The following BIRC6 variants were observed in gnomAD, a reference collection of about 807,000 sequenced individuals.
BIRC6 encodes dual E2 ubiquitin-conjugating enzyme/E3 ubiquitin-protein ligase BIRC6.
Under a neutral mutation model 503.3 loss-of-function variants are expected in BIRC6, and 98 were observed. The observed-to-expected ratio is 0.19, with a 90% confidence interval of 0.17 to 0.23. The LOEUF is 0.23. BIRC6 is among the 10% of genes least tolerant of loss of function. BIRC6 has a pLI of 1.00. For synonymous variants in BIRC6, 2,240 were observed against 2,078.7 expected (o/e 1.08, Z -2.11); for missense variants, 5,360 against 5,806.0 (o/e 0.92, Z 2.50).
Position 32,463,328 on chromosome 2 carries a change from C to T in BIRC6, c.4888C>T (p.Gln1630Ter). Residue 1630 changes from glutamine to a stop codon, truncating the protein, a stop_gained, in exon 24 of 74, where the codon CAG (glutamine) becomes TAG (stop). Transcript: ENST00000421745. LOFTEE classifies it high-confidence loss of function. Reference sequence around the variant, plus strand: ...TCATGCAATGGCTTCAGCCGAGCAACAGCTACAGGTGCTGCAAGAGAAACA... The same window carrying T: ...TCATGCAATGGCTTCAGCCGAGCAATAGCTACAGGTGCTGCAAGAGAAACA... ...LSHAMASAEQQLQVLQEKQQQ... is the reference protein window; with the variant it reads ...LSHAMASAEQ The T allele has an allele frequency of 6.2e-7, 1 of 1,613,714 alleles. No individual in the cohort carries two copies. The highest frequency in any genetic ancestry group is 2.2e-5 in the East Asian group (1 of 44,846).
intron 66 of BIRC6, among the ~76,000 whole-genome samples, chr2:32,582,859 T>C (rs1478097822): frequency 4.6e-5 from 7 of 152,220 alleles, no homozygotes; most frequent in African/African-American, 1.4e-4. Flanking sequence ...AGTTCTCTTA[T>C]TATAGAGTTT....
At chr2:32,579,419 G>A (rs1490726593) in intron 66 of BIRC6, among the ~76,000 whole-genome samples, 1 of 152,118 alleles carries the variant, frequency 6.6e-6, no homozygotes, top group Non-Finnish European at 1.5e-5. Context: ...ACATCATTAA[G>A]AATCTGGATC....
chr2:32,478,671 A>C lies in BIRC6; in HGVS notation c.7105A>C (p.Ile2369Leu). Residue 2369 changes from isoleucine (I) to leucine (L), a missense_variant, in exon 36 of 74, where the codon ATT (isoleucine) becomes CTT (leucine). Transcript: ENST00000421745. Reference sequence around the variant, plus strand: ...CATTGCAAATGCCACGAGGCCAACTATTCATCTGTGTGAGATTGTGAACGA... The same window carrying C: ...CATTGCAAATGCCACGAGGCCAACTCTTCATCTGTGTGAGATTGTGAACGA... ...ARIANATRPT[I>L]HLCEIVNEPQ... The C allele has an allele frequency of 1.2e-6, 2 of 1,613,776 alleles. No homozygotes were observed. The highest frequency in any genetic ancestry group is 1.7e-6 in the Non-Finnish European group (2 of 1,179,820).
chr2:32,462,954 C>CAAAA (rs544469284), intron 23 of BIRC6, among the ~76,000 whole-genome samples: 1 of 64,940 alleles, frequency 1.5e-5, no homozygotes, highest in African/African-American at 6.0e-5. Context: ...GACCCTGTCT[C>CAAAA]AAAAAAAAAA....
At chr2:32,369,336 C>T (rs1424180177) in intron 1 of BIRC6, among the ~76,000 whole-genome samples, 2 of 151,960 alleles carry the variant, frequency 1.3e-5, no homozygotes, top group South Asian at 4.2e-4. Context: ...TAGAAATTCG[C>T]AAGGGCACAT....
chr2:32,611,896 A>G (rs1013908518), intron 73 of BIRC6, among the ~76,000 whole-genome samples: 2 of 151,880 alleles, frequency 1.3e-5, no homozygotes, highest in Admixed American at 1.3e-4. Context: ...TTCTTTTGAG[A>G]CTGGATTTCA....
intron 72 of BIRC6, 128 bp downstream of exon 72, chr2:32,607,771 A>G: frequency 3.1e-6 from 2 of 635,908 alleles, no homozygotes; most frequent in Non-Finnish European, 4.9e-6. Flanking sequence ...TCAGGTCAGG[A>G]GTCTGAGACC....
chr2:32,517,405 T>C (rs1483102521), intron 55 of BIRC6, among the ~76,000 whole-genome samples: 5 of 152,178 alleles, frequency 3.3e-5, no homozygotes, highest in Admixed American at 3.3e-4. Flanking sequence ...AGTAATTAAT[T>C]ACTGGGAAAA....
At chr2:32,545,893 A>G (rs1192202740) in intron 63 of BIRC6, 33 bp downstream of exon 63, 2 of 1,572,810 alleles carry the variant, frequency 1.3e-6, no homozygotes, top group Non-Finnish European at 1.7e-6. Context: ...CAGTTATTAA[A>G]AAAACTAGAT....
intron 61 of BIRC6, among the ~76,000 whole-genome samples, chr2:32,539,024 G>A (rs754079316): frequency 9.9e-5 from 15 of 152,194 alleles, no homozygotes; most frequent in Non-Finnish European, 2.2e-4. Context: ...AGTATATGCT[G>A]CCTAAAAGAG....
intron 9 of BIRC6, among the ~76,000 whole-genome samples, chr2:32,412,912 T>G: frequency 6.6e-6 from 1 of 152,210 alleles, no homozygotes; most frequent in East Asian, 1.9e-4. Context: ...TTTAAAGTTA[T>G]GTATAAATAA....
intron 65 of BIRC6, among the ~76,000 whole-genome samples, chr2:32,561,781 C>T (rs912718235): frequency 4.7e-5 from 7 of 149,660 alleles, no homozygotes; most frequent in African/African-American, 9.8e-5. Flanking sequence ...GCAGTGCTCA[C>T]GCCTATAATC....
chr2:32,584,798 A>C (rs2060919513), intron 66 of BIRC6, among the ~76,000 whole-genome samples: 1 of 152,198 alleles, frequency 6.6e-6, no homozygotes, highest in African/African-American at 2.4e-5. Flanking sequence ...AGGCAGAAGA[A>C]AAAAACTTAG....
Position 32,357,366 on chromosome 2 carries a change from G to C in BIRC6, c.205G>C (p.Gly69Arg). ...RDGCMHCDAD[G>R]LHSLSYHPAL... is the part of the protein sequence containing the mutation. ...CGGCTGCATGCACTGCGACGCCGAC[G>C]GGCTGCACAGCCTGTCCTACCACCC... is the stretch of plus-strand genomic sequence containing the variant. Residue 69 changes from glycine to arginine, a missense_variant, in exon 1 of 74, where the codon GGG becomes CGG. Coordinates refer to ENST00000421745, the MANE Select transcript of BIRC6 (RefSeq NM_016252.4). The surrounding 1 kb of genome is among the most constrained non-coding windows in gnomAD (Gnocchi z 4.9). 6.5e-7 allele frequency: 1 copy of C among 1,547,506 alleles called. No homozygotes were observed. The highest frequency in any genetic ancestry group is 8.7e-7 in the Non-Finnish European group (1 of 1,146,332).
chr2:32,402,575 ATG>A (rs2040720164), intron 8 of BIRC6, among the ~76,000 whole-genome samples: 1 of 152,204 alleles, frequency 6.6e-6, no homozygotes, highest in Non-Finnish European at 1.5e-5. Context: ...TTTACAATAT[ATG>A]TGTTACTTCT....
chr2:32,594,802 T>C (rs1046108566), intron 67 of BIRC6, among the ~76,000 whole-genome samples: 6 of 152,226 alleles, frequency 3.9e-5, no homozygotes, highest in Admixed American at 2.6e-4. Context: ...TCACTTCCTC[T>C]TTTCATAAAG....
intron 8 of BIRC6, 88 bp from the exon 9 acceptor site, chr2:32,406,411 A>G (rs1284800731): frequency 4.9e-6 from 5 of 1,030,550 alleles, no homozygotes; most frequent in Non-Finnish European, 7.3e-6. Flanking sequence ...AAAAACCCAC[A>G]AAACCAACTG....
chr2:32,452,837 C>A (rs552006524), intron 22 of BIRC6, among the ~76,000 whole-genome samples: 1 of 152,066 alleles, frequency 6.6e-6, no homozygotes, highest in Admixed American at 6.5e-5. Context: ...TTTTATTCTT[C>A]TGTCTCCCAA....
rs1167267563 is a variant in BIRC6, at chr2:32,463,381, G to C, written c.4941G>C (p.Gln1647His). 3 of 1,605,814 alleles carry C rather than the reference G, an allele frequency of 1.9e-6. No individual in the cohort carries two copies. The Admixed American group carries it at 5.2e-5, about 28-fold the overall frequency. The change falls in exon 24 of 74, where the codon CAG (glutamine) becomes CAC (histidine). Residue 1647 changes from glutamine to histidine, a missense_variant and splice_region_variant. Gln to His is a conservative substitution (Grantham distance 24). This residue lies in a region of BIRC6 where 2,299 missense variants were observed against 2,267.2 expected (regional missense o/e 1.01). Coordinates refer to ENST00000421745, the MANE Select transcript of BIRC6 (RefSeq NM_016252.4). ...AGCAGCTTTTGAAGCTTCAGCAACA[G>C]GTTGGAGACTATTTGGCTCTTTGTT... ...KQQQLLKLQQ[Q>H]KAKLEAKLHQ...
Sources: gnomAD v4.1 joint callset for allele counts (sites outside exome capture counted in the v4.1 genomes callset) on GRCh38, gnomAD v4.1.1 for gene constraint, gnomAD v4.1.1 regional missense constraint, Gnocchi (gnomAD v3.1) non-coding constraint, MANE v1.5 for transcripts, NCBI Gene and HGNC (gene_info 2026-07-23, HGNC 2026-07-21) for gene names.